Variants in CACNA2D3 observed in about 807,000 individuals in gnomAD.
CACNA2D3 encodes the protein voltage-dependent calcium channel subunit alpha-2/delta-3.
CACNA2D3 carries 60 observed loss-of-function variants against 160.6 expected under a neutral mutation model. That is an observed-to-expected ratio of 0.37 (90% confidence interval 0.30 to 0.46). The LOEUF (loss-of-function observed/expected upper bound fraction) is 0.46. CACNA2D3 is among the 20% of genes least tolerant of loss of function. CACNA2D3 has a pLI of 1.00. For missense variants in CACNA2D3, 1,205 were observed against 1,365.0 expected (o/e 0.88, Z 1.85); for synonymous variants, 558 against 492.9 (o/e 1.13, Z -1.75).
At chr3:54,589,487 G>A (rs1276129343) in intron 9 of CACNA2D3, among the ~76,000 whole-genome samples, 3 of 151,746 alleles carry the variant, frequency 2.0e-5, no homozygotes, top group South Asian at 4.2e-4. Context: ...TAGGCAAAGC[G>A]TTCTTAGGCT....
chr3:54,236,707 A>G (rs539141515), intron 2 of CACNA2D3, among the ~76,000 whole-genome samples: 3 of 152,236 alleles, frequency 2.0e-5, no homozygotes, highest in East Asian at 3.9e-4. Context: ...TTGAAATACC[A>G]TTGTTCCAAG....
At chr3:54,591,454 A>G (rs1365126565) in intron 9 of CACNA2D3, among the ~76,000 whole-genome samples, 2 of 152,150 alleles carry the variant, frequency 1.3e-5, no homozygotes, top group African/African-American at 4.8e-5. Flanking sequence ...TCCGAGGGAA[A>G]ATGCTCTGGG....
chr3:54,925,311 A>G (rs1700983558), intron 27 of CACNA2D3: 2 of 1,023,666 alleles, frequency 2.0e-6, no homozygotes, highest in African/African-American at 1.6e-5. Flanking sequence ...TGTGCTTTCC[A>G]GCCAGGTGAA....
intron 13 of CACNA2D3, among the ~76,000 whole-genome samples, chr3:54,816,180 A>G (rs763882839): frequency 1.4e-4 from 22 of 152,210 alleles, no homozygotes; most frequent in African/African-American, 5.1e-4. Flanking sequence ...AAATGCACAA[A>G]TCCTGGTGCA....
chr3:54,760,706 T>C (rs557182231), intron 12 of CACNA2D3, among the ~76,000 whole-genome samples: 37 of 151,586 alleles, frequency 2.4e-4, no homozygotes, highest in Middle Eastern at 6.8e-3. Flanking sequence ...ATTTTAGAGA[T>C]AGGACCAGAA....
intron 2 of CACNA2D3, among the ~76,000 whole-genome samples, chr3:54,156,377 T>A (rs1373614161): frequency 6.6e-6 from 1 of 152,192 alleles, no homozygotes; most frequent in Non-Finnish European, 1.5e-5. Context: ...CTTCATACAC[T>A]AATGCCGTCA....
chr3:54,877,631 C>T (rs950001070), intron 18 of CACNA2D3, among the ~76,000 whole-genome samples: 6 of 152,106 alleles, frequency 3.9e-5, no homozygotes, highest in African/African-American at 1.2e-4. Context: ...TAAGTATAAC[C>T]TGTTTTTGTT....
intron 2 of CACNA2D3, among the ~76,000 whole-genome samples, chr3:54,206,218 T>C (rs1291251769): frequency 1.3e-5 from 2 of 152,172 alleles, no homozygotes; most frequent in African/African-American, 4.8e-5. Flanking sequence ...CATATATTAA[T>C]GTAAAAGTAA....
chr3:54,714,053 C>G (rs139029480), intron 11 of CACNA2D3, among the ~76,000 whole-genome samples: 2 of 152,144 alleles, frequency 1.3e-5, no homozygotes, highest in Non-Finnish European at 2.9e-5. Flanking sequence ...CAGCAGAAAG[C>G]TGGGATTTCT....
intron 2 of CACNA2D3, among the ~76,000 whole-genome samples, chr3:54,136,550 A>C (rs564843381): frequency 6.6e-6 from 1 of 152,182 alleles, no homozygotes; most frequent in African/African-American, 2.4e-5. Flanking sequence ...TGGGCACCCA[A>C]ATCCCTTTGC....
chr3:54,514,312 G>T (rs1701508752), intron 5 of CACNA2D3, among the ~76,000 whole-genome samples: 2 of 152,300 alleles, frequency 1.3e-5, no homozygotes, highest in South Asian at 2.1e-4. Context: ...AGGTGATGAT[G>T]ATCAGAATGC....
chr3:54,349,328 A>G (rs1698512213), intron 3 of CACNA2D3, among the ~76,000 whole-genome samples: 1 of 152,112 alleles, frequency 6.6e-6, no homozygotes, highest in Non-Finnish European at 1.5e-5. Flanking sequence ...TCCTGCAACC[A>G]TTGGTTCTGA....
At chr3:54,641,108 G>A (rs74857819) in intron 10 of CACNA2D3, among the ~76,000 whole-genome samples, 2,441 of 152,104 alleles carry the variant, frequency 0.016, 73 homozygotes, top group African/African-American at 0.055. Flanking sequence ...AAATATGAAT[G>A]ACTGTGTCCT....
chr3:54,295,983 T>G (rs6445639), intron 2 of CACNA2D3, among the ~76,000 whole-genome samples: 47,813 of 151,834 alleles, frequency 0.31, 8,117 homozygotes, highest in East Asian at 0.53. Flanking sequence ...GACAAAAGGG[T>G]AGGGAGCCCA....
rs17817350 is a variant in CACNA2D3 at position 54,769,962 on chromosome 3, C to T, written c.1380+5611C>T. 5.8e-3 allele frequency among the ~76,000 whole-genome samples: 884 copies of T among 152,236 alleles called. 3 individuals carry two copies. Among genetic ancestry groups the T allele is most frequent in the Middle Eastern group, 0.02 (6 of 294 alleles). On this transcript the variant is annotated intron_variant, in intron 13 of 37. Coordinates refer to ENST00000474759, the MANE Select transcript of CACNA2D3 (RefSeq NM_018398.3). ...CCCAGAAAACACTGGGATTGTGCCG[C>T]ACTAGCCAGGCAGAACCTTTCACCC...
chr3:54,168,309 T>A (rs1257972970), intron 2 of CACNA2D3, among the ~76,000 whole-genome samples: 2 of 152,216 alleles, frequency 1.3e-5, no homozygotes, highest in Non-Finnish European at 2.9e-5. Context: ...CTAACATGAT[T>A]TCACATTTGC....
chr3:54,563,716 AG>A (rs938596923), intron 6 of CACNA2D3, among the ~76,000 whole-genome samples: 5 of 152,168 alleles, frequency 3.3e-5, no homozygotes, highest in African/African-American at 9.7e-5. Context: ...AAGAAGGGGG[AG>A]AAAAACCCCA....
intron 27 of CACNA2D3, among the ~76,000 whole-genome samples, chr3:54,953,049 C>T (rs1701797448): frequency 6.6e-6 from 1 of 152,106 alleles, no homozygotes; most frequent in Admixed American, 6.6e-5. Flanking sequence ...AGAGACTCAA[C>T]TGCAGGGGAG....
chr3:54,494,143 C>T (rs571849592), intron 4 of CACNA2D3, among the ~76,000 whole-genome samples: 3 of 152,296 alleles, frequency 2.0e-5, no homozygotes, highest in East Asian at 3.9e-4. Flanking sequence ...TAAATTTACT[C>T]GGATGACATG....
Sources: gnomAD v4.1 joint callset for allele counts (sites outside exome capture counted in the v4.1 genomes callset) on GRCh38, gnomAD v4.1.1 for gene constraint, MANE v1.5 for transcripts, NCBI Gene and HGNC (gene_info 2026-07-23, HGNC 2026-07-21) for gene names.